Variants in SEL1L3 observed in about 807,000 individuals in gnomAD.
The protein encoded by SEL1L3 is protein sel-1 homolog 3.
A neutral mutation model predicts 142.8 loss-of-function variants in SEL1L3; 76 were observed. The observed-to-expected ratio is 0.53, with a 90% CI of 0.44 to 0.64. The LOEUF (loss-of-function observed/expected upper bound fraction) is 0.64, where lower values mean the gene tolerates loss of function less well. SEL1L3 is among the 30% of genes least tolerant of loss of function. SEL1L3 has a pLI of 0.00. For synonymous variants in SEL1L3, 504 were observed against 519.6 expected, an observed-to-expected ratio of 0.97 and a Z score of 0.41; for missense variants, 1,262 against 1,381.7, an observed-to-expected ratio of 0.91 and a Z score of 1.37.
At chr4:25,734,315 G>A in the SEL1L3 span, among the ~76,000 whole-genome samples, 1 of 152,134 alleles carries the variant, frequency 6.6e-6, no homozygotes, top group South Asian at 2.1e-4. Context: ...CAAAGTGCTG[G>A]AATTACAGGC....
chr4:25,845,500 C>T (rs1716451158), intron 2 of SEL1L3, among the ~76,000 whole-genome samples: 1 of 152,054 alleles, frequency 6.6e-6, no homozygotes, highest in African/African-American at 2.4e-5. Context: ...TGTCTCAAAA[C>T]AAGAAAAAGT....
At chr4:25,839,333 T>G (rs932218192) in intron 2 of SEL1L3, among the ~76,000 whole-genome samples, 1 of 152,214 alleles carries the variant, frequency 6.6e-6, no homozygotes, top group Non-Finnish European at 1.5e-5. Context: ...ATAAAACCAG[T>G]TCTACTCCTA....
chr4:25,778,409 T>C (rs1412959492), intron 16 of SEL1L3, among the ~76,000 whole-genome samples: 1 of 151,616 alleles, frequency 6.6e-6, no homozygotes, highest in Admixed American at 6.6e-5. Flanking sequence ...ATCAAATACA[T>C]AGAAAATGAT....
chr4:25,813,536 GA>G (rs1329193160), intron 9 of SEL1L3, among the ~76,000 whole-genome samples: 4 of 152,136 alleles, frequency 2.6e-5, no homozygotes, highest in Non-Finnish European at 5.9e-5. Context: ...TAAAAAGCAG[GA>G]TGACGGCTCC....
chr4:25,789,559 T>A (rs1002067536), intron 12 of SEL1L3, among the ~76,000 whole-genome samples: 1 of 139,374 alleles, frequency 7.2e-6, no homozygotes, highest in Non-Finnish European at 1.5e-5. Context: ...AGCTTCAGCC[T>A]GCCCAACAGA....
Position 25,782,616 on chromosome 4 carries a change from C to G in SEL1L3, c.2281-198G>C, listed in dbSNP as rs951683797. Among the ~76,000 whole-genome samples the G allele has an allele frequency of 2.6e-5, 4 of 152,146 alleles. No individual in the cohort carries two copies. In the South Asian group the frequency reaches 8.3e-4, roughly 31 times the overall value. The stretch of plus-strand genomic sequence containing the variant: ...TGAGAGTCTTCCCAGGTGTGTTTCA[C>G]CCGACTGCTGCTGGGATTCTGCCTT... On this transcript the variant is annotated intron_variant, in intron 14 of 23. Transcript: ENST00000399878.
chr4:25,751,818 A>G (rs1717610433), intron 23 of SEL1L3, among the ~76,000 whole-genome samples: 1 of 151,948 alleles, frequency 6.6e-6, no homozygotes, highest in South Asian at 2.1e-4. Context: ...GCTTTAAAAA[A>G]TAGTTGAATG....
chr4:25,813,171 T>G (rs1180617811), intron 9 of SEL1L3, among the ~76,000 whole-genome samples: 1 of 152,234 alleles, frequency 6.6e-6, no homozygotes, highest in Non-Finnish European at 1.5e-5. Flanking sequence ...AATTACTATA[T>G]GACCCAGAAA....
At chr4:25,729,997 C>A in the SEL1L3 span, among the ~76,000 whole-genome samples, 1 of 151,830 alleles carries the variant, frequency 6.6e-6, no homozygotes, top group Non-Finnish European at 1.5e-5. Context: ...GTTGCCCAGG[C>A]TGGAATGCTG....
At chr4:25,847,145 T>C (rs572966933) in intron 2 of SEL1L3, 149 bp downstream of exon 2, 4 of 657,904 alleles carry the variant, frequency 6.1e-6, no homozygotes, top group Admixed American at 6.1e-5. Context: ...TCCTTTTGTC[T>C]TCAAACTCCA....
rs141559992 is a variant in SEL1L3 at position 25,796,043 on chromosome 4, A to C, written c.1957-5469T>G. ...GATCCTCCATGGCATCTGGGTTTTC[A>C]TTGTTGTTATTGTTGCCGTTTTATA... On this transcript the variant is annotated intron_variant, in intron 11 of 23. Coordinates refer to ENST00000399878, the MANE Select transcript of SEL1L3 (RefSeq NM_015187.5). Among the ~76,000 whole-genome samples the C allele has an allele frequency of 2.2e-3, 342 of 152,212 alleles. 3 individuals carry two copies. Among genetic ancestry groups the C allele is most frequent in the African/African-American group, 7.6e-3 (317 of 41,536 alleles).
chr4:25,819,721 A>C, intron 8 of SEL1L3, 87 bp downstream of exon 8: 1 of 1,311,980 alleles, frequency 7.6e-7, no homozygotes, highest in Non-Finnish European at 1.0e-6. Context: ...ATATATGTTT[A>C]ATTTTAATCC....
At chr4:25,779,034 A>C in intron 16 of SEL1L3, 42 bp downstream of exon 16, 2 of 1,605,804 alleles carry the variant, frequency 1.2e-6, no homozygotes, top group Middle Eastern at 1.7e-4. Context: ...AGAATATAGG[A>C]TATGGCTTTC....
downstream of SEL1L3, among the ~76,000 whole-genome samples, chr4:25,743,275 A>T (rs1717170659): frequency 6.6e-6 from 1 of 152,222 alleles, no homozygotes; most frequent in Non-Finnish European, 1.5e-5. Context: ...TATCTGTAGG[A>T]TGGATTTGTT....
intron 7 of SEL1L3, among the ~76,000 whole-genome samples, chr4:25,821,460 T>C (rs1326208420): frequency 1.3e-5 from 2 of 152,188 alleles, no homozygotes; most frequent in Non-Finnish European, 2.9e-5. Context: ...GACAGTTCCA[T>C]TCGGGGGCGG....
At chr4:25,718,377 A>C in the SEL1L3 span, 1 of 152,192 alleles carries the variant, frequency 6.6e-6, no homozygotes, top group East Asian at 1.9e-4. Flanking sequence ...ATTTGCTAGA[A>C]GAGGCTATTA....
the SEL1L3 span, among the ~76,000 whole-genome samples, chr4:25,732,949 T>C: frequency 6.6e-6 from 1 of 152,184 alleles, no homozygotes; most frequent in South Asian, 2.1e-4. Context: ...TTTCACCATG[T>C]TGGCCGGTAT....
intron 13 of SEL1L3, among the ~76,000 whole-genome samples, chr4:25,784,956 A>G (rs1442387338): frequency 6.6e-6 from 1 of 152,226 alleles, no homozygotes; most frequent in Non-Finnish European, 1.5e-5. Flanking sequence ...CTGGAGGACA[A>G]CTGGGGAGAT....
chr4:25,749,956 G>A (rs920149854), intron 23 of SEL1L3, among the ~76,000 whole-genome samples: 4 of 151,860 alleles, frequency 2.6e-5, no homozygotes, highest in Admixed American at 6.6e-5. Context: ...GCCACAGGCC[G>A]GGCGCCGTGG....
Sources: gnomAD v4.1 joint callset for allele counts (sites outside exome capture counted in the v4.1 genomes callset) on GRCh38, gnomAD v4.1.1 for gene constraint, MANE v1.5 for transcripts, NCBI Gene and HGNC (gene_info 2026-07-23, HGNC 2026-07-21) for gene names.